The following DAB1 variants were observed in gnomAD, a reference collection of about 807,000 sequenced individuals.
The protein encoded by DAB1 is disabled homolog 1.
A neutral mutation model predicts 64.6 loss-of-function variants in DAB1; 15 were observed. That is an observed-to-expected ratio of 0.23 (90% CI 0.16 to 0.36). The LOEUF (loss-of-function observed/expected upper bound fraction) is 0.36. Among genes scored for constraint, DAB1 ranks in the 10% least tolerant of loss-of-function variants. The probability of loss-of-function intolerance (pLI) is 1.00; values close to 1 mark genes in which losing one functional copy is unlikely to be tolerated. For missense variants in DAB1, 596 were observed against 706.7 expected, an observed-to-expected ratio of 0.84 and a Z score of 1.78; for synonymous variants, 235 against 251.9, an observed-to-expected ratio of 0.93 and a Z score of 0.64.
At chr1:57,068,766 A>G (rs2100587445) in intron 8 of DAB1, among the ~76,000 whole-genome samples, 1 of 152,182 alleles carries the variant, frequency 6.6e-6, no homozygotes. Context: ...TAGTTGTACA[A>G]CCCCGAGAAA....
chr1:58,539,418 A>G (rs1299735274), intron 1 of DAB1: 2 of 627,606 alleles, frequency 3.2e-6, no homozygotes, highest in Non-Finnish European at 5.5e-6. Flanking sequence ...AACACATCTC[A>G]GGCTAAATTA....
chr1:58,249,662 T>G (rs1660709088), intron 4 of DAB1, among the ~76,000 whole-genome samples: 1 of 152,134 alleles, frequency 6.6e-6, no homozygotes, highest in African/African-American at 2.4e-5. Context: ...GTCTCGACGC[T>G]GCCCAGCCAG....
intron 4 of DAB1, among the ~76,000 whole-genome samples, chr1:57,131,843 G>A (rs753923407): frequency 6.6e-5 from 10 of 152,002 alleles, no homozygotes; most frequent in African/African-American, 9.7e-5. Context: ...ATTCTTAACC[G>A]TGAAGTCATT....
intron 2 of DAB1, among the ~76,000 whole-genome samples, chr1:57,253,621 A>C (rs564362785): frequency 6.6e-6 from 1 of 152,264 alleles, no homozygotes; most frequent in South Asian, 2.1e-4. Flanking sequence ...AAATAAAACA[A>C]CTAAAACACC....
intron 5 of DAB1, among the ~76,000 whole-genome samples, chr1:58,143,000 C>T (rs564915491): frequency 4.6e-5 from 7 of 152,120 alleles, no homozygotes; most frequent in South Asian, 2.1e-4. Context: ...TGGAAATTCT[C>T]GGTGTTCCTT....
intron 7 of DAB1, among the ~76,000 whole-genome samples, chr1:57,485,772 G>T (rs958954391): frequency 5.3e-5 from 8 of 151,884 alleles, no homozygotes; most frequent in African/African-American, 1.7e-4. Context: ...CTGGTGTAGA[G>T]CATGCACTCA....
intron 5 of DAB1, among the ~76,000 whole-genome samples, chr1:57,911,502 T>C (rs1205667141): frequency 6.6e-6 from 1 of 152,098 alleles, no homozygotes; most frequent in Non-Finnish European, 1.5e-5. Flanking sequence ...TCTTTGTTGA[T>C]CTCAGGCCTC....
intron 5 of DAB1, among the ~76,000 whole-genome samples, chr1:58,011,035 T>C (rs755053621): frequency 2.0e-5 from 3 of 152,248 alleles, no homozygotes; most frequent in Non-Finnish European, 2.9e-5. Flanking sequence ...CTGTGGCTCA[T>C]TGAGATCCTA....
chr1:57,340,441 T>C (rs1004505830), intron 1 of DAB1, among the ~76,000 whole-genome samples: 2 of 152,198 alleles, frequency 1.3e-5, no homozygotes, highest in African/African-American at 4.8e-5. Context: ...TGCATTGGTG[T>C]GTCATGGCCT....
chr1:57,476,051 T>C (rs1291279123), intron 7 of DAB1, among the ~76,000 whole-genome samples: 1 of 151,718 alleles, frequency 6.6e-6, no homozygotes, highest in African/African-American at 2.4e-5. Flanking sequence ...ATTGTGAAAC[T>C]CTGTCTCCGC....
At chr1:57,022,481 A>G (rs1025615042) in intron 11 of DAB1, among the ~76,000 whole-genome samples, 3 of 152,238 alleles carry the variant, frequency 2.0e-5, no homozygotes, top group African/African-American at 7.2e-5. Context: ...GTTAGATCCA[A>G]GGGTTACCAA....
chr1:57,349,850 A>G (rs886825300), intron 1 of DAB1, among the ~76,000 whole-genome samples: 3 of 152,226 alleles, frequency 2.0e-5, no homozygotes, highest in Non-Finnish European at 2.9e-5. Flanking sequence ...TTATGTGACT[A>G]AAATACTGAT....
At chr1:58,489,054 G>C (rs1645627587) in intron 3 of DAB1, among the ~76,000 whole-genome samples, 1 of 152,352 alleles carries the variant, frequency 6.6e-6, no homozygotes, top group South Asian at 2.1e-4. Flanking sequence ...TTCCAACTGA[G>C]GTACTGGGTG....
intron 2 of DAB1, among the ~76,000 whole-genome samples, chr1:57,236,346 T>C (rs916932222): frequency 1.3e-5 from 2 of 152,032 alleles, no homozygotes; most frequent in Non-Finnish European, 2.9e-5. Context: ...GGAAGAAACA[T>C]GTAAAGATGA....
chr1:57,143,846 T>C (rs1425112000), intron 3 of DAB1, among the ~76,000 whole-genome samples: 1 of 151,930 alleles, frequency 6.6e-6, no homozygotes, highest in Non-Finnish European at 1.5e-5. Flanking sequence ...TCCTTTTCTT[T>C]CTTTTACATT....
chr1:58,530,468 A>G (rs1020440517), intron 1 of DAB1: 5 of 572,674 alleles, frequency 8.7e-6, no homozygotes, highest in African/African-American at 3.7e-5. Flanking sequence ...ACGAGAAAAC[A>G]TAAGACACTA....
intron 6 of DAB1, among the ~76,000 whole-genome samples, chr1:57,812,358 A>C (rs570504907): frequency 6.6e-6 from 1 of 151,952 alleles, no homozygotes; most frequent in Non-Finnish European, 1.5e-5. Context: ...AAAGAAAAGA[A>C]AGAAAGAAAA....
chr1:58,040,275 C>T (rs1469177080), intron 5 of DAB1, among the ~76,000 whole-genome samples: 1 of 152,166 alleles, frequency 6.6e-6, no homozygotes, highest in African/African-American at 2.4e-5. Context: ...AATTTAATAA[C>T]ATTGCAATCC....
chr1:57,540,188 G>GA (rs1319880722), intron 7 of DAB1, among the ~76,000 whole-genome samples: 7 of 152,132 alleles, frequency 4.6e-5, no homozygotes, highest in Admixed American at 3.9e-4. Flanking sequence ...ACAGGTATAT[G>GA]AAAAAATGTT....
Sources: allele counts gnomAD v4.1 joint callset (sites outside exome capture counted in the v4.1 genomes callset), GRCh38; gene constraint gnomAD v4.1.1; transcripts MANE v1.5; gene names NCBI Gene and HGNC (gene_info 2026-07-23, HGNC 2026-07-21).